The following THBS4 variants were observed in gnomAD, a reference collection of about 807,000 sequenced individuals.
The protein encoded by THBS4 is thrombospondin 4.
In THBS4, 90 loss-of-function variants were observed where a neutral mutation model predicts 115.7. That is an observed-to-expected ratio of 0.78 (90% CI 0.66 to 0.93). THBS4 has a LOEUF of 0.93. Among genes scored for constraint, THBS4 ranks in the 40% least tolerant of loss-of-function variants. THBS4 has a pLI of 0.00. For synonymous variants in THBS4, 460 were observed against 479.3 expected, an observed-to-expected ratio of 0.96 and a Z score of 0.53; for missense variants, 1,087 against 1,232.7, an observed-to-expected ratio of 0.88 and a Z score of 1.77.
At chr5:80,079,832 C>A in intron 19 of THBS4, 73 bp from the exon 20 acceptor site, 1 of 1,447,172 alleles carries the variant, frequency 6.9e-7, no homozygotes, top group South Asian at 1.2e-5. Context: ...CCTGGATCAT[C>A]ACTTCAGATC....
intron 2 of THBS4, among the ~76,000 whole-genome samples, chr5:80,006,135 T>C (rs1580904879): frequency 6.6e-6 from 1 of 152,212 alleles, no homozygotes; most frequent in South Asian, 2.1e-4. Context: ...AGAAAAGGAA[T>C]TGGGAAACTC....
chr5:80,055,507 ATTG>A (rs1256376573), intron 2 of THBS4, among the ~76,000 whole-genome samples: 2 of 152,106 alleles, frequency 1.3e-5, no homozygotes, highest in Non-Finnish European at 2.9e-5. Flanking sequence ...TGAGAATTGT[ATTG>A]TTTATTTTCA....
intron 1 of THBS4, among the ~76,000 whole-genome samples, chr5:80,038,948 G>A (rs550067290): frequency 6.6e-6 from 1 of 152,256 alleles, no homozygotes; most frequent in Admixed American, 6.5e-5. Flanking sequence ...CCAATTCGAT[G>A]GTGAAAACAA....
At chr5:80,004,221 TGCAAAATGG>T (rs1831969095) in intron 2 of THBS4, among the ~76,000 whole-genome samples, 1 of 152,324 alleles carries the variant, frequency 6.6e-6, no homozygotes, top group East Asian at 1.9e-4. Flanking sequence ...GGTTTTCTCC[TGCAAAATGG>T]AGAAAATGGG....
intron 20 of THBS4, among the ~76,000 whole-genome samples, chr5:80,080,744 G>A (rs17878685): frequency 0.022 from 3,266 of 151,724 alleles, 115 homozygotes; most frequent in African/African-American, 0.074. Context: ...GCGCCATCAC[G>A]CCAGGCTAAT....
intron 2 of THBS4, among the ~76,000 whole-genome samples, chr5:80,018,583 TG>T (rs1276138224): frequency 2.6e-5 from 4 of 151,834 alleles, no homozygotes; most frequent in Admixed American, 6.6e-5. Flanking sequence ...TTAGTAGAGA[TG>T]GGGTTTCACC....
upstream of THBS4, among the ~76,000 whole-genome samples, chr5:80,034,140 C>T (rs1832640451): frequency 6.6e-6 from 1 of 152,100 alleles, no homozygotes; most frequent in Non-Finnish European, 1.5e-5. Flanking sequence ...TCTCAGTGTT[C>T]TCTCATGTGT....
intron 17 of THBS4, 49 bp from the exon 18 acceptor site, chr5:80,078,872 T>C: frequency 6.3e-7 from 1 of 1,585,298 alleles, no homozygotes; most frequent in Non-Finnish European, 8.6e-7. Flanking sequence ...TCCTTAAGGT[T>C]ACTTGGCCCC....
intron 17 of THBS4, 106 bp downstream of exon 17, chr5:80,078,333 T>C: frequency 1.0e-6 from 1 of 978,994 alleles, no homozygotes; most frequent in Non-Finnish European, 1.4e-6. Context: ...CCAGGCATTC[T>C]TCACATTCGC....
rs761385018 is a variant in THBS4 at position 80,040,064 on chromosome 5, C to T, written c.89-13C>T. ...ATCTTTCACTTATACCCCTTCTTCT[C>T]CCTTCTTCCCAGTCTTTGACCTTCT... is the stretch of plus-strand genomic sequence containing the variant. On this transcript the variant is annotated splice_polypyrimidine_tract_variant and intron_variant, in intron 1 of 21. Transcript: ENST00000350881. The T allele has an allele frequency of 3.7e-6, 6 of 1,613,320 alleles. No homozygotes were observed. The Admixed American group carries it at 1.0e-4, about 27-fold the overall frequency.
At chr5:80,012,899 G>A (rs1270472354) in intron 2 of THBS4, among the ~76,000 whole-genome samples, 2 of 152,098 alleles carry the variant, frequency 1.3e-5, no homozygotes, top group Admixed American at 6.5e-5. Flanking sequence ...GCTGTCACAC[G>A]AGGTCCCACT....
rs1011885167 is a variant in THBS4 at position 80,073,420 on chromosome 5, A to G, written c.1892+93A>G. The stretch of plus-strand genomic sequence containing the variant: ...TTTTTTTGAGGCGGAGTCTCACTCT[A>G]TCACCCAGGCTGGAGTACAGTGGTG... On this transcript the variant is annotated intron_variant, in intron 15 of 21. Coordinates refer to ENST00000350881, the MANE Select transcript of THBS4 (RefSeq NM_003248.6). 53 of 1,144,162 alleles carry G rather than the reference A, an allele frequency of 4.6e-5. No homozygotes were observed. In the Middle Eastern group the frequency reaches 1.1e-3, roughly 24 times the overall value. 70.9% of individuals were successfully genotyped at this position (1,144,162 alleles called of 1,614,324 possible).
chr5:80,082,479 C>T lies in THBS4; in HGVS notation c.2758C>T (p.Arg920Ter). The T allele has an allele frequency of 1.2e-6, 2 of 1,614,186 alleles. No homozygotes were observed. The highest frequency in any genetic ancestry group is 1.7e-6 in the Non-Finnish European group (2 of 1,180,032). ...CATAGACACCACAATGCGTGGAGGC[C>T]GACTTGGCGTTTTCTGCTTCTCTCA... The part of the protein sequence containing the change: ...VTIDTTMRGG[R>*]LGVFCFSQEN... Residue 920 changes from arginine to a stop codon, truncating the protein, a stop_gained, in exon 21 of 22, where the codon CGA (arginine) becomes TGA (stop). Coordinates refer to ENST00000350881, the MANE Select transcript of THBS4 (RefSeq NM_003248.6). LOFTEE classifies it high-confidence loss of function.
Position 80,070,397 on chromosome 5 carries a change from G to A in THBS4, c.1439G>A (p.Arg480Lys), listed in dbSNP as rs781201678. 2.5e-6 allele frequency: 4 copies of A among 1,613,998 alleles called. No individual in the cohort carries two copies. The highest frequency in any genetic ancestry group is 1.3e-5 in the African/African-American group (1 of 74,920). Residue 480 changes from arginine to lysine, a missense_variant, in exon 11 of 22, where the codon AGG becomes AAG. Arg to Lys is a conservative substitution (Grantham distance 26, BLOSUM62 2). Around this residue, in one of 3 missense-constraint regions of THBS4, gnomAD observed 979 missense variants for 1,103.7 expected, o/e 0.89. Transcript: ENST00000350881. ...YPDEELPCSA[R>K]NCKKDNCKYV... ...GACGAAGAACTGCCATGCTCTGCCA[G>A]GAACTGTAAAAAGGTAAGGGGTGTG...
chr5:80,046,831 C>T (rs902944600), intron 2 of THBS4, among the ~76,000 whole-genome samples: 1 of 152,148 alleles, frequency 6.6e-6, no homozygotes, highest in Non-Finnish European at 1.5e-5. Context: ...AACTGTCCAA[C>T]ATGTCAGTGA....
At chr5:79,999,970 G>A (rs999823013) in intron 2 of THBS4, among the ~76,000 whole-genome samples, 4 of 152,132 alleles carry the variant, frequency 2.6e-5, no homozygotes, top group African/African-American at 7.2e-5. Flanking sequence ...TTACAGTTGG[G>A]TATTGTTCAT....
chr5:79,995,169 T>C (rs1831765992), intron 1 of THBS4, among the ~76,000 whole-genome samples: 1 of 152,184 alleles, frequency 6.6e-6, no homozygotes, highest in Non-Finnish European at 1.5e-5. Flanking sequence ...TTTATAGTTT[T>C]GAGAAAGTAA....
At chr5:79,991,687 T>C (rs1295816864) in intron 1 of THBS4, among the ~76,000 whole-genome samples, 2 of 152,210 alleles carry the variant, frequency 1.3e-5, no homozygotes, top group African/African-American at 4.8e-5. Context: ...CAACCTGTTC[T>C]CACCCTCATG....
intron 2 of THBS4, among the ~76,000 whole-genome samples, chr5:80,044,995 ATCTC>A (rs1833017611): frequency 1.3e-5 from 2 of 150,854 alleles, no homozygotes; most frequent in African/African-American, 4.8e-5. Context: ...ACATCTCTGA[ATCTC>A]TCTTAGCCCT....
Sources: gnomAD v4.1 joint callset for allele counts (sites outside exome capture counted in the v4.1 genomes callset) on GRCh38, gnomAD v4.1.1 for gene constraint, gnomAD v4.1.1 regional missense constraint, MANE v1.5 for transcripts, NCBI Gene and HGNC (gene_info 2026-07-23, HGNC 2026-07-21) for gene names.